RNF157: variants seen among roughly 807,000 people sequenced by gnomAD.
The protein encoded by RNF157 is ring finger protein 157, also known as E3 ubiquitin ligase RNF157.
Under a neutral mutation model 88.3 loss-of-function variants are expected in RNF157, and 55 were observed. The observed-to-expected ratio is 0.62, with a 90% CI of 0.50 to 0.78. RNF157 has a LOEUF of 0.78. Among genes scored for constraint, RNF157 ranks in the 30% least tolerant of loss-of-function variants. The pLI is 0.00. For missense variants in RNF157, 788 were observed against 860.8 expected, an observed-to-expected ratio of 0.92 and a Z score of 1.06; for synonymous variants, 334 against 341.2, an observed-to-expected ratio of 0.98 and a Z score of 0.23.
At chr17:76,198,471 A>G (rs2069514704) in intron 2 of RNF157, among the ~76,000 whole-genome samples, 1 of 152,200 alleles carries the variant, frequency 6.6e-6, no homozygotes, top group Non-Finnish European at 1.5e-5. Flanking sequence ...AGGTCTGCAC[A>G]TAAAGTGGGA....
intron 5 of RNF157, 55 bp from the exon 6 acceptor site, chr17:76,166,582 G>A: frequency 7.2e-7 from 1 of 1,385,760 alleles, no homozygotes; most frequent in African/African-American, 1.4e-5. Flanking sequence ...CATTTACATG[G>A]CACAGCTAAT....
rs958103865 is a variant in RNF157 at position 76,195,402 on chromosome 17, T to C, written c.207+16962A>G. ...CTAAGATTAAAAAGATGGAAAATAC[T>C]AGGTGCTGGACATTCTAAACACTGC... On this transcript the variant is annotated intron_variant, in intron 2 of 18. Transcript: ENST00000269391. The surrounding 1 kb of genome is among the most constrained non-coding windows in gnomAD (Gnocchi z 4.4). Among the ~76,000 whole-genome samples, 4 of 152,302 alleles carry C rather than the reference T, an allele frequency of 2.6e-5. No individual in the cohort carries two copies. The South Asian group carries it at 8.3e-4, about 32-fold the overall frequency.
At chr17:76,158,913 T>C (rs1293157400) in intron 12 of RNF157, among the ~76,000 whole-genome samples, 1 of 152,180 alleles carries the variant, frequency 6.6e-6, no homozygotes, top group African/African-American at 2.4e-5. Flanking sequence ...TTTTCATCTG[T>C]AAAATACCCT....
chr17:76,189,801 G>C (rs926902784), intron 2 of RNF157, among the ~76,000 whole-genome samples: 7 of 150,802 alleles, frequency 4.6e-5, no homozygotes, highest in African/African-American at 1.7e-4. Flanking sequence ...GTACTGCCCA[G>C]CTGGTTCTGG....
chr17:76,154,322 C>T lies in RNF157; in HGVS notation c.1771G>A (p.Asp591Asn), dbSNP rs368304058. The part of the protein sequence containing the change: ...PAGEQDAEGN[D>N]VIEEEDGSPT... ...GATCCATCCTCTTCCTCTATAACAT[C>T]ATTTCCCTAGGACAGAAGGAAGGCC... is the stretch of plus-strand genomic sequence containing the variant. The change falls in exon 17 of 19, where the codon GAT (aspartate) becomes AAT (asparagine). Residue 591 changes from aspartate (D) to asparagine (N), a missense_variant. Physicochemically the swap from Asp to Asn is conservative, Grantham distance 23 (BLOSUM62 1). Coordinates refer to ENST00000269391, the MANE Select transcript of RNF157 (RefSeq NM_052916.3). 6 of 1,611,898 alleles carry T rather than the reference C, an allele frequency of 3.7e-6. No homozygotes were observed. Among genetic ancestry groups the T allele is most frequent in the African/African-American group, 1.3e-5 (1 of 74,884 alleles).
Position 76,173,720 on chromosome 17 carries a change from T to G in RNF157, c.278A>C (p.Asp93Ala), listed in dbSNP as rs771115054. 9.3e-6 allele frequency: 15 copies of G among 1,609,224 alleles called. 1 individual carries two copies. The South Asian group carries it at 1.7e-4, about 18-fold the overall frequency. ...TLRSLVNIRK[D>A]TLRLVKCAEE... is the part of the protein sequence containing the mutation. ...AACTTACTTGACGAGCCTCAGTGTGTCCTTTCGGATATTGACCAGGCTTCT... is the reference window on the plus strand; with the variant it reads ...AACTTACTTGACGAGCCTCAGTGTGGCCTTTCGGATATTGACCAGGCTTCT... Residue 93 changes from aspartate (D) to alanine (A), a missense_variant, in exon 3 of 19, where the codon GAC becomes GCC. Transcript: ENST00000269391.
chr17:76,209,053 T>C (rs1260221536), intron 2 of RNF157, among the ~76,000 whole-genome samples: 2 of 151,166 alleles, frequency 1.3e-5, no homozygotes, highest in Non-Finnish European at 2.9e-5. Flanking sequence ...CAACAAAAAC[T>C]CCAATGTTGA....
chr17:76,171,743 G>T (rs1477136568), intron 3 of RNF157, among the ~76,000 whole-genome samples: 1 of 152,176 alleles, frequency 6.6e-6, no homozygotes, highest in African/African-American at 2.4e-5. Context: ...ACAGATAAAA[G>T]AACCTGAAGC....
chr17:76,205,156 T>C (rs938725123), intron 2 of RNF157, among the ~76,000 whole-genome samples: 1 of 151,408 alleles, frequency 6.6e-6, no homozygotes, highest in African/African-American at 2.4e-5. Flanking sequence ...TTTTTTTTTT[T>C]TTGACAGGGT....
intron 2 of RNF157, among the ~76,000 whole-genome samples, chr17:76,181,777 G>A (rs1029740434): frequency 2.0e-5 from 3 of 150,982 alleles, no homozygotes; most frequent in Non-Finnish European, 4.4e-5. Flanking sequence ...GTGTGGTGGC[G>A]TGTGCCTGTA....
intron 1 of RNF157, chr17:76,226,122 G>A (rs2070079808): frequency 6.2e-7 from 1 of 1,601,190 alleles, no homozygotes; most frequent in Non-Finnish European, 8.5e-7. Flanking sequence ...GGAGACCCCA[G>A]ATAGGACTCT....
Position 76,161,682 on chromosome 17 carries a change from G to A in RNF157, c.953-35C>T. 6.3e-7 allele frequency: 1 copy of A among 1,583,510 alleles called. No homozygotes were observed. The highest frequency in any genetic ancestry group is 8.7e-7 in the Non-Finnish European group (1 of 1,154,478). On this transcript the variant is annotated intron_variant, in intron 10 of 18. Transcript: ENST00000269391. This position sits in a 1 kb window ranked among gnomAD's most constrained non-coding sequence, Gnocchi z 4.6. The stretch of plus-strand genomic sequence containing the variant: ...AGAAAACAGGCAATCAGGACATCCT[G>A]ATACAGGATTAAGAATGAACAAGAG...
At chr17:76,236,087 T>TG (rs750504173) in intron 1 of RNF157, among the ~76,000 whole-genome samples, 91 of 152,308 alleles carry the variant, frequency 6.0e-4, no homozygotes, top group Non-Finnish European at 7.4e-4. Flanking sequence ...ATTATGTGGG[T>TG]GGGCCTCTAG....
chr17:76,166,973 A>G (rs376387213), intron 5 of RNF157, 36 bp downstream of exon 5: 241 of 1,479,482 alleles, frequency 1.6e-4, no homozygotes, highest in Admixed American at 2.4e-4. Flanking sequence ...GGCCCTTCTG[A>G]GTGGATGTGG....
At chr17:76,238,914 T>C (rs2070326325) in intron 1 of RNF157, among the ~76,000 whole-genome samples, 1 of 152,226 alleles carries the variant, frequency 6.6e-6, no homozygotes, top group Non-Finnish European at 1.5e-5. Flanking sequence ...CAAGGATTCA[T>C]TCTTTGGTAC....
intron 18 of RNF157, among the ~76,000 whole-genome samples, chr17:76,149,689 G>A (rs926064054): frequency 6.6e-6 from 1 of 152,278 alleles, no homozygotes; most frequent in Admixed American, 6.5e-5. Context: ...AAGGCAACCA[G>A]AGGTTTTGAG....
chr17:76,154,497 T>G (rs1294640022), intron 16 of RNF157, 169 bp from the exon 17 acceptor site: 2 of 625,092 alleles, frequency 3.2e-6, no homozygotes, highest in Non-Finnish European at 5.8e-6. Context: ...GAGGCAGATC[T>G]TGCTTGGAGA....
intron 2 of RNF157, among the ~76,000 whole-genome samples, chr17:76,200,008 C>T (rs1446312077): frequency 2.0e-5 from 3 of 151,952 alleles, no homozygotes; most frequent in Admixed American, 6.6e-5. Flanking sequence ...GAGGCCGAGG[C>T]GGGCGGATCA....
intron 1 of RNF157, among the ~76,000 whole-genome samples, chr17:76,232,681 A>G (rs982123497): frequency 6.6e-6 from 1 of 152,200 alleles, no homozygotes; most frequent in Non-Finnish European, 1.5e-5. Context: ...CAACTTTCCA[A>G]AGTGGCTGTA....
Sources: gnomAD v4.1 joint callset for allele counts (sites outside exome capture counted in the v4.1 genomes callset) on GRCh38, gnomAD v4.1.1 for gene constraint, Gnocchi (gnomAD v3.1) non-coding constraint, MANE v1.5 for transcripts, NCBI Gene and HGNC (gene_info 2026-07-23, HGNC 2026-07-21) for gene names.